The following PTBP3 variants were observed in gnomAD, a reference collection of about 807,000 sequenced individuals.
PTBP3 encodes polypyrimidine tract binding protein 3, also known as polypyrimidine tract-binding protein 3.
A neutral mutation model predicts 58.7 loss-of-function variants in PTBP3; 20 were observed. That is an observed-to-expected ratio of 0.34 (90% CI 0.24 to 0.50). The LOEUF is 0.50. Among genes scored for constraint, PTBP3 ranks in the 20% least tolerant of loss-of-function variants. The pLI, the probability that PTBP3 is intolerant of heterozygous loss-of-function variation, is 0.98. For missense variants in PTBP3, 509 were observed against 637.2 expected (o/e 0.80, Z 2.17); for synonymous variants, 185 against 219.8 (o/e 0.84, Z 1.40).
chr9:112,362,291 C>A, the PTBP3 span, among the ~76,000 whole-genome samples: 1 of 152,104 alleles, frequency 6.6e-6, no homozygotes, highest in South Asian at 2.1e-4. Flanking sequence ...AAAGTAAGAC[C>A]CTGTCTAGCA....
chr9:112,239,784 G>A, intron 7 of PTBP3, among the ~76,000 whole-genome samples: 1 of 142,880 alleles, frequency 7.0e-6, no homozygotes, highest in East Asian at 2.1e-4. Context: ...GGGAGGGGAG[G>A]GGAGAGGAGG....
chr9:112,299,089 G>A (rs1033074498), intron 1 of PTBP3, among the ~76,000 whole-genome samples: 2 of 152,150 alleles, frequency 1.3e-5, no homozygotes, highest in African/African-American at 4.8e-5. Flanking sequence ...GCTACCTGCA[G>A]ATAAAGACAC....
rs922026571 is a variant in PTBP3, at chr9:112,222,372, A to G, written c.*1479T>C. 38 of 985,688 alleles carry G rather than the reference A, an allele frequency of 3.9e-5. No homozygotes were observed. In the African/African-American group the frequency reaches 5.9e-4, roughly 15 times the overall value. The allele number at this position is 985,688 out of a possible 1,614,324, so 61.1% of individuals were successfully genotyped here. On this transcript the variant is annotated 3_prime_UTR_variant, in exon 14 of 14. Transcript: ENST00000374257. The stretch of plus-strand genomic sequence containing the variant: ...TAACCCACCTTCTCATACTCCAAAT[A>G]CGTGGGTACTCAGTAATGAAAGTCA...
intron 4 of PTBP3, 142 bp downstream of exon 4, chr9:112,267,907 G>A: frequency 1.5e-6 from 1 of 684,366 alleles, no homozygotes; most frequent in South Asian, 4.9e-5. Context: ...AGAATTGGGG[G>A]GAAGAATTTA....
At chr9:112,333,144 C>G (rs1362860225) in intron 1 of PTBP3, 7 of 1,243,408 alleles carry the variant, frequency 5.6e-6, no homozygotes, top group Non-Finnish European at 4.0e-6. Flanking sequence ...GCTGGGCTCC[C>G]CGGACTCGGG....
intron 5 of PTBP3, 144 bp from the exon 6 acceptor site, chr9:112,252,932 A>G (rs753608031): frequency 3.3e-6 from 2 of 599,544 alleles, no homozygotes; most frequent in Non-Finnish European, 5.8e-6. Flanking sequence ...AGCCTAAAAC[A>G]TTAACATTTC....
chr9:112,357,895 T>C, the PTBP3 span, among the ~76,000 whole-genome samples: 3 of 151,806 alleles, frequency 2.0e-5, no homozygotes, highest in African/African-American at 7.3e-5. Context: ...ACTGGAAGAG[T>C]TGGAGATAGA....
the PTBP3 span, among the ~76,000 whole-genome samples, chr9:112,361,104 T>A: frequency 1.5e-4 from 23 of 152,232 alleles, no homozygotes; most frequent in East Asian, 9.6e-4. Flanking sequence ...TTATTTATTT[T>A]TTGTTTTTTT....
chr9:112,318,442 T>C (rs1029555378), intron 1 of PTBP3, among the ~76,000 whole-genome samples: 4 of 151,908 alleles, frequency 2.6e-5, no homozygotes, highest in Admixed American at 1.3e-4. Context: ...CAAAACAACA[T>C]TGAAAGAAAT....
At chr9:112,307,166 A>G (rs759692702) in intron 1 of PTBP3, among the ~76,000 whole-genome samples, 8 of 152,136 alleles carry the variant, frequency 5.3e-5, no homozygotes, top group Non-Finnish European at 1.2e-4. Context: ...AAAATATAAG[A>G]TATTTGCCAG....
chr9:112,342,971 G>T, the PTBP3 span, among the ~76,000 whole-genome samples: 2 of 152,024 alleles, frequency 1.3e-5, no homozygotes, highest in Non-Finnish European at 2.9e-5. Context: ...GGGACTACAG[G>T]TGTGCACCAC....
Position 112,227,458 on chromosome 9 carries a change from G to C in PTBP3, c.1317C>G (p.Phe439Leu). 1.9e-6 allele frequency: 3 copies of C among 1,613,998 alleles called. No homozygotes were observed. The highest frequency in any genetic ancestry group is 2.2e-5 in the East Asian group (1 of 44,864). The change falls in exon 12 of 14, where the codon TTC (phenylalanine) becomes TTG (leucine). Residue 439 changes from phenylalanine (F) to leucine (L), a missense_variant. Physicochemically the swap from Phe to Leu is conservative, Grantham distance 22. This residue lies in a region of PTBP3 where 135 missense variants were observed against 229.0 expected (regional missense o/e 0.59). Coordinates refer to ENST00000374257, the MANE Select transcript of PTBP3 (RefSeq NM_001163788.4). ...TGGCTGATGGTGGAAAGATATTCTG[G>C]AAGTTTTTAGAGCCCGGCTTTTTAA... The part of the protein sequence containing the change: ...HRFKKPGSKN[F>L]QNIFPPSATL...
intron 3 of PTBP3, among the ~76,000 whole-genome samples, chr9:112,270,171 ACCT>A (rs1239155362): frequency 6.6e-6 from 1 of 152,014 alleles, no homozygotes; most frequent in African/African-American, 2.4e-5. Context: ...TGAACTCCTG[ACCT>A]CAAGCGATCC....
intron 2 of PTBP3, among the ~76,000 whole-genome samples, chr9:112,278,351 C>T (rs1215584147): frequency 6.6e-6 from 1 of 152,170 alleles, no homozygotes; most frequent in African/African-American, 2.4e-5. Context: ...GGCACCCTCC[C>T]TGCAGGCATA....
chr9:112,363,516 TCACACACACACACACACACACACACACA>T, the PTBP3 span, among the ~76,000 whole-genome samples: 2 of 134,776 alleles, frequency 1.5e-5, no homozygotes, highest in African/African-American at 5.6e-5. Context: ...AGCAAAACTG[TCACACACACACACACACACACACACACA>T]CACACACACA....
chr9:112,243,688 T>A lies in PTBP3; in HGVS notation c.802+7241A>T, dbSNP rs73537705. The stretch of plus-strand genomic sequence containing the variant: ...AGAGTTTATCAGGGTTTCTGAGTTA[T>A]GAAATCAAGAGATAATAATGTTGTA... On this transcript the variant is annotated intron_variant, in intron 7 of 13. Transcript: ENST00000374257. 6.6e-3 allele frequency among the ~76,000 whole-genome samples: 1,005 copies of A among 152,338 alleles called. 15 individuals are homozygous for A. Among genetic ancestry groups the A allele is most frequent in the African/African-American group, 0.023 (946 of 41,570 alleles).
At chr9:112,273,697 G>A (rs946502095) in intron 3 of PTBP3, among the ~76,000 whole-genome samples, 30 of 151,988 alleles carry the variant, frequency 2.0e-4, no homozygotes, top group African/African-American at 5.6e-4. Context: ...GTACAGAGTG[G>A]AGAGACAGCC....
chr9:112,360,368 T>G, the PTBP3 span, among the ~76,000 whole-genome samples: 3 of 152,070 alleles, frequency 2.0e-5, no homozygotes, highest in Non-Finnish European at 2.9e-5. Context: ...AATTTTTTTT[T>G]GTAGAATCAG....
At chr9:112,310,402 A>G (rs1829425260) in intron 1 of PTBP3, among the ~76,000 whole-genome samples, 1 of 152,228 alleles carries the variant, frequency 6.6e-6, no homozygotes. Flanking sequence ...CATGATATCC[A>G]ATCAAAAAGA....
Sources: gnomAD v4.1 joint callset for allele counts (sites outside exome capture counted in the v4.1 genomes callset) on GRCh38, gnomAD v4.1.1 for gene constraint, gnomAD v4.1.1 regional missense constraint, MANE v1.5 for transcripts, NCBI Gene and HGNC (gene_info 2026-07-23, HGNC 2026-07-21) for gene names.